Variants in STK33 observed in about 807,000 individuals in gnomAD.
The protein encoded by STK33 is serine/threonine kinase 33, also known as serine/threonine-protein kinase 33.
A neutral mutation model predicts 58.0 loss-of-function variants in STK33; 52 were observed. The ratio of observed to expected loss-of-function variants is 0.90; its 90% CI spans 0.72 to 1.13. STK33 has a LOEUF of 1.13. STK33 is among the 50% of genes most tolerant of loss of function. The pLI is 0.00. For missense variants in STK33, 630 were observed against 604.2 expected, an observed-to-expected ratio of 1.04 and a Z score of -0.45; for synonymous variants, 215 against 200.1, an observed-to-expected ratio of 1.07 and a Z score of -0.63.
At chr11:8,366,322 C>A in the STK33 span, among the ~76,000 whole-genome samples, 1 of 152,224 alleles carries the variant, frequency 6.6e-6, no homozygotes, top group African/African-American at 2.4e-5. Flanking sequence ...CTTCCTACAG[C>A]CAAGCCCTTC....
intron 1 of STK33, among the ~76,000 whole-genome samples, chr11:8,532,643 C>A (rs1954644614): frequency 6.6e-6 from 1 of 152,216 alleles, no homozygotes. Flanking sequence ...CTGCACTAAG[C>A]AACAACCAAA....
intron 1 of STK33, among the ~76,000 whole-genome samples, chr11:8,553,475 C>T (rs1956511833): frequency 6.6e-6 from 1 of 151,638 alleles, no homozygotes; most frequent in African/African-American, 2.4e-5. Flanking sequence ...TCTTTAGCTC[C>T]ATTATAATCA....
chr11:8,433,817 T>C (rs527892608), intron 14 of STK33: 2 of 152,286 alleles, frequency 1.3e-5, no homozygotes, highest in South Asian at 2.1e-4. Context: ...TTCATCGCTA[T>C]TGCTACCACC....
At chr11:8,538,551 A>G (rs904977372) in intron 1 of STK33, among the ~76,000 whole-genome samples, 1 of 152,212 alleles carries the variant, frequency 6.6e-6, no homozygotes, top group African/African-American at 2.4e-5. Flanking sequence ...CATTTTAGTC[A>G]TCATCATAGG....
chr11:8,519,152 C>T (rs1285779939), intron 1 of STK33, among the ~76,000 whole-genome samples: 1 of 152,190 alleles, frequency 6.6e-6, no homozygotes, highest in Admixed American at 6.5e-5. Context: ...TCTCAGACCA[C>T]AGTGCAAACA....
At chr11:8,346,851 GC>G in the STK33 span, among the ~76,000 whole-genome samples, 3 of 152,202 alleles carry the variant, frequency 2.0e-5, no homozygotes, top group South Asian at 4.1e-4. Flanking sequence ...GTACAGGAAG[GC>G]CCGAGCTCTG....
intron 14 of STK33, among the ~76,000 whole-genome samples, chr11:8,427,051 C>T (rs954304937): frequency 2.0e-5 from 3 of 152,096 alleles, no homozygotes; most frequent in Non-Finnish European, 4.4e-5. Flanking sequence ...TTGATATCAG[C>T]GAACTCTACC....
chr11:8,448,529 C>T lies in STK33; in HGVS notation c.871+4293G>A, dbSNP rs149220587. The stretch of plus-strand genomic sequence containing the variant: ...ACAAACCTGACAAAAACAAGAAATG[C>T]GGAAACGATTCCCTATTCAATAAAT... On this transcript the variant is annotated intron_variant, in intron 11 of 15. Transcript: ENST00000687296. Among the ~76,000 whole-genome samples the T allele has an allele frequency of 2.9e-3, 436 of 152,162 alleles. 5 individuals are homozygous for T. Among genetic ancestry groups the T allele is most frequent in the Middle Eastern group, 0.027 (8 of 294 alleles).
chr11:8,401,173 C>A (rs925307614), intron 15 of STK33, among the ~76,000 whole-genome samples: 2 of 152,088 alleles, frequency 1.3e-5, no homozygotes, highest in Middle Eastern at 3.2e-3. Flanking sequence ...CAATCCTAAG[C>A]CAAAAGAACA....
intron 15 of STK33, among the ~76,000 whole-genome samples, chr11:8,396,958 G>C (rs1191478782): frequency 6.6e-6 from 1 of 152,218 alleles, no homozygotes; most frequent in East Asian, 1.9e-4. Context: ...TAAACAAAGT[G>C]GCCAGGAAGC....
intron 1 of STK33, among the ~76,000 whole-genome samples, chr11:8,534,235 A>C (rs1370375547): frequency 1.3e-5 from 2 of 151,898 alleles, no homozygotes; most frequent in Admixed American, 1.3e-4. Flanking sequence ...AGATCGCACC[A>C]CTGCACTCCA....
chr11:8,508,467 T>C (rs1338242099), intron 1 of STK33, among the ~76,000 whole-genome samples: 1 of 151,912 alleles, frequency 6.6e-6, no homozygotes, highest in Non-Finnish European at 1.5e-5. Context: ...TGATGGAGTC[T>C]CCCTATGTTG....
the STK33 span, among the ~76,000 whole-genome samples, chr11:8,347,435 CA>C: frequency 6.6e-6 from 1 of 152,238 alleles, no homozygotes; most frequent in South Asian, 2.1e-4. Context: ...CAGTGATGGG[CA>C]ACAAAGGTTT....
the STK33 span, among the ~76,000 whole-genome samples, chr11:8,365,399 T>C: frequency 3.3e-5 from 5 of 152,194 alleles, no homozygotes; most frequent in Non-Finnish European, 7.4e-5. Flanking sequence ...CGCTGCCCCA[T>C]TTAATTCTCA....
intron 1 of STK33, among the ~76,000 whole-genome samples, chr11:8,548,832 G>C (rs759747557): frequency 3.7e-4 from 56 of 151,890 alleles, no homozygotes; most frequent in Non-Finnish European, 6.8e-4. Flanking sequence ...TTTTTTCCTA[G>C]GTGTTTTATT....
chr11:8,465,016 T>C, intron 6 of STK33, 194 bp from the exon 7 acceptor site: 1 of 372,684 alleles, frequency 2.7e-6, no homozygotes, highest in Non-Finnish European at 4.7e-6. Flanking sequence ...GTTGATGAAT[T>C]TTATTAAGTG....
chr11:8,419,644 T>A (rs1293744451), intron 14 of STK33, among the ~76,000 whole-genome samples: 1 of 152,224 alleles, frequency 6.6e-6, no homozygotes, highest in Non-Finnish European at 1.5e-5. Flanking sequence ...TTGATAGGCA[T>A]AGCAGTGAAT....
chr11:8,432,696 G>A (rs1254714465), intron 14 of STK33, among the ~76,000 whole-genome samples: 2 of 152,188 alleles, frequency 1.3e-5, no homozygotes, highest in African/African-American at 2.4e-5. Context: ...AAGCAGCAGG[G>A]CGCTGAGAGA....
At chr11:8,360,746 G>A in the STK33 span, among the ~76,000 whole-genome samples, 1 of 152,238 alleles carries the variant, frequency 6.6e-6, no homozygotes, top group South Asian at 2.1e-4. Flanking sequence ...GCTTCTGGAG[G>A]CCGCCTGCAT....
Sources: allele counts gnomAD v4.1 joint callset (sites outside exome capture counted in the v4.1 genomes callset), GRCh38; gene constraint gnomAD v4.1.1; transcripts MANE v1.5; gene names NCBI Gene and HGNC (gene_info 2026-07-23, HGNC 2026-07-21).